The following SUMF2 variants were observed in gnomAD, a reference collection of about 807,000 sequenced individuals.
SUMF2 encodes sulfatase modifying factor 2, also known as inactive C-alpha-formylglycine-generating enzyme 2.
SUMF2 carries 45 observed loss-of-function variants against 44.8 expected under a neutral mutation model. That is an observed-to-expected ratio of 1.00 (90% confidence interval 0.79 to 1.29). The LOEUF (loss-of-function observed/expected upper bound fraction) is 1.29, where lower values mean the gene tolerates loss of function less well. SUMF2 is among the 50% of genes most tolerant of loss of function. The pLI is 0.00. For synonymous variants in SUMF2, 148 were observed against 150.4 expected (o/e 0.98, Z 0.12); for missense variants, 418 against 389.9 (o/e 1.07, Z -0.61).
intron 6 of SUMF2, among the ~76,000 whole-genome samples, chr7:56,077,367 TA>T (rs1167169342): frequency 1.4e-5 from 2 of 145,794 alleles, no homozygotes; most frequent in East Asian, 4.5e-4. Context: ...TACTTTCTAT[TA>T]AAGAGTTGTA....
At chr7:56,079,121 G>A (rs1188768509) in intron 8 of SUMF2, 32 of 476,142 alleles carry the variant, frequency 6.7e-5, no homozygotes, top group Non-Finnish European at 1.9e-5. Flanking sequence ...CAATCAGCCC[G>A]CCTTGGCCTC....
chr7:56,072,640 G>A lies in SUMF2; in HGVS notation c.225-357G>A, dbSNP rs112131079. ...TGGGAGGCTGAGGCAGGAGAATGGC[G>A]TGAAACCGGGAGGCGGAGCTTGCAG... On this transcript the variant is annotated intron_variant, in intron 2 of 8. Transcript: ENST00000434526. Among the ~76,000 whole-genome samples, 9 of 150,688 alleles carry A rather than the reference G, an allele frequency of 6.0e-5. 1 individual carries two copies. Among genetic ancestry groups the A allele is most frequent in the African/African-American group, 1.7e-4 (7 of 40,974 alleles).
chr7:56,064,930 C>T (rs1414653264), intron 1 of SUMF2, among the ~76,000 whole-genome samples: 7 of 130,096 alleles, frequency 5.4e-5, no homozygotes, highest in Non-Finnish European at 9.7e-5. Flanking sequence ...CGGTGGCTCA[C>T]GCCTGTAATC....
At chr7:56,072,121 C>CAAA (rs35164639) in intron 2 of SUMF2, among the ~76,000 whole-genome samples, 1 of 52,784 alleles carries the variant, frequency 1.9e-5, no homozygotes, top group Non-Finnish European at 4.0e-5. Flanking sequence ...GACTCTGTCT[C>CAAA]AAAAAAAAAA....
At chr7:56,073,511 G>GCA (rs1795316552) in intron 3 of SUMF2, 1 of 296,204 alleles carries the variant, frequency 3.4e-6, no homozygotes, top group South Asian at 3.3e-5. Flanking sequence ...AGGCATGGTG[G>GCA]CACGCTCCTG....
rs1156252750 is a variant in SUMF2 at position 56,076,881 on chromosome 7, C to T, written c.583C>T (p.Leu195=). The change falls in exon 6 of 9, where the codon CTG becomes TTG. Residue 195 remains leucine, a synonymous_variant. Coordinates refer to ENST00000434526, the MANE Select transcript of SUMF2 (RefSeq NM_015411.4). ...GNWFQPNRTN[L]WQGKFPKGDK... ...CTGGTTCCAGCCAAACCGCACCAAC[C>T]TGTGGCAGGTAAGACCTACGTTCCT... 1.9e-6 allele frequency: 3 copies of T among 1,606,486 alleles called. No homozygotes were observed. The highest frequency in any genetic ancestry group is 1.7e-4 in the Middle Eastern group (1 of 6,044).
At chr7:56,076,800 C>T (rs376355791) in intron 5 of SUMF2, 34 bp from the exon 6 acceptor site, 1 of 1,563,328 alleles carries the variant, frequency 6.4e-7, no homozygotes, top group Non-Finnish European at 8.7e-7. Context: ...TCTTCACCTC[C>T]CCCTCCTCTG....
At chr7:56,074,502 A>C in intron 4 of SUMF2, 84 bp from the exon 5 acceptor site, 2 of 1,547,668 alleles carry the variant, frequency 1.3e-6, no homozygotes, top group Non-Finnish European at 1.8e-6. Context: ...TAGTGGTAAA[A>C]GCTGAACGCG....
At position 56,078,387 on chromosome 7, in the gene SUMF2, G is replaced by A. The variant is rs766721314; in HGVS notation, c.700G>A (p.Val234Met). 1.2e-5 allele frequency: 19 copies of A among 1,610,404 alleles called. No individual in the cohort carries two copies. The highest frequency in any genetic ancestry group is 4.0e-5 in the African/African-American group (3 of 74,862). ...AGGGCTCTATGACCTCCTGGGGAAC[G>A]TGTGGGAGTGGACAGCATCACCGTA... ...NYGLYDLLGN[V>M]WEWTASPYQA... The change falls in exon 8 of 9, where the codon GTG (valine) becomes ATG (methionine). Residue 234 changes from valine to methionine, a missense_variant. Coordinates refer to ENST00000434526, the MANE Select transcript of SUMF2 (RefSeq NM_015411.4).
chr7:56,082,319 G>A (rs1190128570), downstream of SUMF2: 19 of 1,258,760 alleles, frequency 1.5e-5, no homozygotes, highest in Middle Eastern at 3.9e-4. Context: ...CAGGCTGGCC[G>A]CAGTGGCTCA....
At chr7:56,068,659 G>C in intron 2 of SUMF2, 21 bp downstream of exon 2, 1 of 1,609,096 alleles carries the variant, frequency 6.2e-7, no homozygotes, top group Non-Finnish European at 8.5e-7. Flanking sequence ...TATTCTTCCA[G>C]GAGGAATGAA....
intron 2 of SUMF2, 130 bp downstream of exon 2, chr7:56,068,768 A>G (rs180770426): frequency 1.2e-5 from 13 of 1,081,820 alleles, no homozygotes; most frequent in Admixed American, 6.0e-5. Context: ...CAGTGGCGCA[A>G]TCTCGCTCAC....
At chr7:56,066,672 G>A (rs1254676460) in intron 1 of SUMF2, among the ~76,000 whole-genome samples, 1 of 152,236 alleles carries the variant, frequency 6.6e-6, no homozygotes, top group African/African-American at 2.4e-5. Flanking sequence ...CCAGGCCGGA[G>A]TGCAGTGGCG....
rs1795845388 is a variant in SUMF2, at chr7:56,079,704, T to C, written c.*92T>C. 1 of 1,612,008 alleles carries C rather than the reference T, an allele frequency of 6.2e-7. No individual in the cohort carries two copies. Among genetic ancestry groups the C allele is most frequent in the Non-Finnish European group, 8.5e-7 (1 of 1,179,040 alleles). On this transcript the variant is annotated 3_prime_UTR_variant, in exon 9 of 9. Transcript: ENST00000434526. ...CAGCGCAATTCCAAGCTCGAGAGCT[T>C]CAGCCTCAGGAAAGAACTTCCCCTT...
rs749565015 is a variant in SUMF2, at chr7:56,073,251, A to G, written c.339+140A>G. ...AGAGGGGAAGCAAGAGAAACTCACC[A>G]TGGAGCGTCAGATCAGTACACACTC... On this transcript the variant is annotated intron_variant, in intron 3 of 8. Transcript: ENST00000434526. 307 of 721,752 alleles carry G rather than the reference A, an allele frequency of 4.3e-4. 1 individual carries two copies. Among genetic ancestry groups the G allele is most frequent in the Non-Finnish European group, 6.8e-4 (272 of 401,742 alleles). The allele number at this position is 721,752 out of a possible 1,614,324, so 44.7% of individuals were successfully genotyped here. A position where few individuals can be genotyped will look rare whatever the true frequency, so the allele number is the denominator to read the frequency against.
At chr7:56,068,289 C>A (rs747844995) in intron 1 of SUMF2, among the ~76,000 whole-genome samples, 193 bp from the exon 2 acceptor site, 11 of 152,036 alleles carry the variant, frequency 7.2e-5, no homozygotes, top group Non-Finnish European at 1.3e-4. Context: ...CCCGCCTCGG[C>A]CTCTCAAAGT....
At chr7:56,086,982 A>G in the SUMF2 span, 1 of 1,612,916 alleles carries the variant, frequency 6.2e-7, no homozygotes. Context: ...GTCAAACACC[A>G]AGAAGAAGAA....
At chr7:56,085,519 A>T (rs973735161), downstream of SUMF2, among the ~76,000 whole-genome samples, 1 of 152,186 alleles carries the variant, frequency 6.6e-6, no homozygotes, top group African/African-American at 2.4e-5. Flanking sequence ...GATGATGGTG[A>T]TGATGGTGGT....
chr7:56,068,617 C>G lies in SUMF2; in HGVS notation c.203C>G (p.Pro68Arg). The change falls in exon 2 of 9, where the codon CCT (proline) becomes CGT (arginine). Residue 68 changes from proline (P) to arginine (R), a missense_variant. Pro to Arg is a moderately radical substitution (Grantham distance 103, BLOSUM62 -2). Coordinates refer to ENST00000434526, the MANE Select transcript of SUMF2 (RefSeq NM_015411.4). The part of the protein sequence containing the change: ...TVKPFAIDIF[P>R]VTNKDFRDFV... Reference sequence around the variant, plus strand: ...AAACCCTTTGCCATCGACATATTTCCTGTCACCAACAAAGATTTCAGGTAC... The same window carrying G: ...AAACCCTTTGCCATCGACATATTTCGTGTCACCAACAAAGATTTCAGGTAC... 1 of 1,613,822 alleles carries G rather than the reference C, an allele frequency of 6.2e-7. No individual in the cohort carries two copies.
Sources: gnomAD v4.1 joint callset for allele counts (sites outside exome capture counted in the v4.1 genomes callset) on GRCh38, gnomAD v4.1.1 for gene constraint, MANE v1.5 for transcripts, NCBI Gene and HGNC (gene_info 2026-07-23, HGNC 2026-07-21) for gene names.